The following HIPK3 variants were observed in gnomAD, a reference collection of about 807,000 sequenced individuals.
HIPK3 encodes homeodomain interacting protein kinase 3.
A neutral mutation model predicts 124.2 loss-of-function variants in HIPK3; 47 were observed. The ratio of observed to expected loss-of-function variants is 0.38; its 90% CI spans 0.30 to 0.48. HIPK3 has a LOEUF of 0.48. Among genes scored for constraint, HIPK3 ranks in the 20% least tolerant of loss-of-function variants. HIPK3 has a pLI of 0.98. For missense variants in HIPK3, 1,286 were observed against 1,454.3 expected (o/e 0.88, Z 1.88); for synonymous variants, 482 against 515.2 (o/e 0.94, Z 0.87).
rs1269445613 is a variant in HIPK3, at chr11:33,356,459, A to G, written c.*2891A>G. The G allele has an allele frequency of 6.6e-6, 1 of 151,870 alleles. No homozygotes were observed. Among genetic ancestry groups the G allele is most frequent in the Non-Finnish European group, 1.5e-5 (1 of 67,876 alleles). The allele number at this position is 151,870 out of a possible 1,614,324, so 9.4% of individuals were successfully genotyped here. ...TTTCCAAGTTGCATATTTGCATACT[A>G]TTTTAATTTGCAAAATGTTTTTTAA... On this transcript the variant is annotated 3_prime_UTR_variant, in exon 17 of 17. Transcript: ENST00000303296.
chr11:33,308,212 C>T (rs1454275503), intron 2 of HIPK3, among the ~76,000 whole-genome samples: 1 of 152,184 alleles, frequency 6.6e-6, no homozygotes, highest in Non-Finnish European at 1.5e-5. Flanking sequence ...ATTCATGAAT[C>T]AGATGACCTC....
chr11:33,353,410 G>A lies in HIPK3; in HGVS notation c.3490G>A (p.Val1164Ile). The change falls in exon 17 of 17, where the codon GTC (valine) becomes ATC (isoleucine). Residue 1164 changes from valine to isoleucine, a missense_variant. By Grantham distance (29) the Val-to-Ile change is conservative. This residue lies in a region of HIPK3 where 810 missense variants were observed against 864.9 expected (regional missense o/e 0.94). Coordinates refer to ENST00000303296, the MANE Select transcript of HIPK3 (RefSeq NM_005734.5). ...CCATCCCAGTGGCATAGTTCACCAAGTCCCAGTGGGCTTAAATCCCCGTCT... is the reference window on the plus strand; with the variant it reads ...CCATCCCAGTGGCATAGTTCACCAAATCCCAGTGGGCTTAAATCCCCGTCT... Reference protein sequence around the residue: ...ISHPSGIVHQVPVGLNPRLLP... With the variant: ...ISHPSGIVHQIPVGLNPRLLP... 1 of 1,614,018 alleles carries A rather than the reference G, an allele frequency of 6.2e-7. No homozygotes were observed. Among genetic ancestry groups the A allele is most frequent in the South Asian group, 1.1e-5 (1 of 91,084 alleles).
At chr11:33,335,360 T>C (rs935432108) in intron 3 of HIPK3, among the ~76,000 whole-genome samples, 1 of 152,136 alleles carries the variant, frequency 6.6e-6, no homozygotes, top group Non-Finnish European at 1.5e-5. Context: ...AGTTAAAGAC[T>C]GTCAGGAAGT....
chr11:33,258,547 G>C, intron 1 of HIPK3: 2 of 985,508 alleles, frequency 2.0e-6, no homozygotes, highest in South Asian at 9.4e-5. Context: ...AAGGCGTGGC[G>C]GCCGCGCGGC....
At position 33,347,920 on chromosome 11, in the gene HIPK3, C is replaced by T. The variant is rs759828783; in HGVS notation, c.2213C>T (p.Thr738Ile). 13 of 1,614,120 alleles carry T rather than the reference C, an allele frequency of 8.1e-6. No homozygotes were observed. The South Asian group carries it at 1.3e-4, about 16-fold the overall frequency. ...CAGCCTCTTCTGACCAATCAGATAACTTTATCTGCCCCTCAGCCAGTTAGT... is the reference window on the plus strand; with the variant it reads ...CAGCCTCTTCTGACCAATCAGATAATTTTATCTGCCCCTCAGCCAGTTAGT... ...MPQPLLTNQI[T>I]LSAPQPVSVG... The change falls in exon 11 of 17, where the codon ACT becomes ATT. Residue 738 changes from threonine (T) to isoleucine (I), a missense_variant. By Grantham distance (89) the Thr-to-Ile change is moderately conservative. This residue lies in a region of HIPK3 where 810 missense variants were observed against 864.9 expected (regional missense o/e 0.94). Coordinates refer to ENST00000303296, the MANE Select transcript of HIPK3 (RefSeq NM_005734.5).
chr11:33,347,742 T>C lies in HIPK3; in HGVS notation c.2133T>C (p.Leu711=). The C allele has an allele frequency of 6.2e-7, 1 of 1,613,898 alleles. No individual in the cohort carries two copies. The highest frequency in any genetic ancestry group is 8.5e-7 in the Non-Finnish European group (1 of 1,179,780). ...TSESVAGSHR[L]GDWGKMISCS... Reference sequence around the variant, plus strand: ...AGAGTGTGGCTGGTTCACACAGGCTTGGAGACTGGGGGTAAGCTGAAAACA... The same window carrying C: ...AGAGTGTGGCTGGTTCACACAGGCTCGGAGACTGGGGGTAAGCTGAAAACA... The change falls in exon 10 of 17, where the codon CTT becomes CTC. Residue 711 remains leucine, a synonymous_variant. Transcript: ENST00000303296.
In HIPK3 at chr11:33,287,430, G is replaced by C; in HGVS notation, c.1016G>C (p.Arg339Thr). Residue 339 changes from arginine (R) to threonine (T), a missense_variant, in exon 2 of 17, where the codon AGG (arginine) becomes ACG (threonine). Physicochemically the swap from Arg to Thr is moderately conservative, Grantham distance 71 (BLOSUM62 -1). Around this residue, in one of 3 missense-constraint regions of HIPK3, gnomAD observed 251 missense variants for 349.1 expected, o/e 0.72. Coordinates refer to ENST00000303296, the MANE Select transcript of HIPK3 (RefSeq NM_005734.5). ...GTGGATCCTGTTCGGCAGCCTTACA[G>C]GGTTAAAGTAATAGACTTTGGGTCG... is the stretch of plus-strand genomic sequence containing the variant. ...MLVDPVRQPY[R>T]VKVIDFGSAS... 6.2e-7 allele frequency: 1 copy of C among 1,614,112 alleles called. No individual in the cohort carries two copies. The highest frequency in any genetic ancestry group is 8.5e-7 in the Non-Finnish European group (1 of 1,180,030).
intron 14 of HIPK3, among the ~76,000 whole-genome samples, chr11:33,350,629 A>C (rs1002801663): frequency 6.6e-6 from 1 of 152,140 alleles, no homozygotes; most frequent in Non-Finnish European, 1.5e-5. Context: ...AGCTATGATC[A>C]CACCACTGCA....
chr11:33,257,458 C>T lies in HIPK3; in HGVS notation c.-434C>T. On this transcript the variant is annotated 5_prime_UTR_variant, in exon 1 of 17. Transcript: ENST00000303296. ...CAAGCCGCAGGCCCCGCCGTCGCCA[C>T]CACTCCCGCCAGTCTTCCTTCTCCG... 2.0e-6 allele frequency: 2 copies of T among 985,724 alleles called. No homozygotes were observed. The highest frequency in any genetic ancestry group is 2.4e-6 in the Non-Finnish European group (2 of 830,216). 61.1% of individuals were successfully genotyped at this position (985,724 alleles called of 1,614,324 possible).
Position 33,337,147 on chromosome 11 carries a change from T to C in HIPK3, c.1294T>C (p.Phe432Leu). 1 of 1,577,296 alleles carries C rather than the reference T, an allele frequency of 6.3e-7. No homozygotes were observed. The highest frequency in any genetic ancestry group is 8.7e-7 in the Non-Finnish European group (1 of 1,148,136). Residue 432 changes from phenylalanine (F) to leucine (L), a missense_variant, in exon 4 of 17, where the codon TTT (phenylalanine) becomes CTT (leucine). Physicochemically the swap from Phe to Leu is conservative, Grantham distance 22 (BLOSUM62 0). This residue lies in a region of HIPK3 where 251 missense variants were observed against 349.1 expected (regional missense o/e 0.72). Coordinates refer to ENST00000303296, the MANE Select transcript of HIPK3 (RefSeq NM_005734.5). ...LLNVGTKSTR[F>L]FCKETDMSHS... ...AAATGTGGGTACTAAATCCACAAGA[T>C]TTTTTTGCAAAGAAACAGATATGTC...
intron 2 of HIPK3, among the ~76,000 whole-genome samples, chr11:33,327,717 G>C (rs1186377862): frequency 1.3e-5 from 2 of 152,184 alleles, no homozygotes; most frequent in Non-Finnish European, 2.9e-5. Flanking sequence ...CTGTAAGATT[G>C]AGATTGTTTT....
chr11:33,347,894 G>T lies in HIPK3; in HGVS notation c.2187G>T (p.Pro729=). ...GCAATCATTATAACTCAGTGATGCCGCAGCCTCTTCTGACCAATCAGATAA... is the reference window on the plus strand; with the variant it reads ...GCAATCATTATAACTCAGTGATGCCTCAGCCTCTTCTGACCAATCAGATAA... ...SCSNHYNSVM[P]QPLLTNQITL... Residue 729 remains proline (P), a synonymous_variant, in exon 11 of 17, where the codon CCG becomes CCT. Transcript: ENST00000303296. 1 of 1,614,104 alleles carries T rather than the reference G, an allele frequency of 6.2e-7. No homozygotes were observed. Among genetic ancestry groups the T allele is most frequent in the Non-Finnish European group, 8.5e-7 (1 of 1,179,982 alleles).
intron 1 of HIPK3, among the ~76,000 whole-genome samples, chr11:33,277,325 A>T (rs971755304): frequency 6.6e-6 from 1 of 152,088 alleles, no homozygotes; most frequent in Non-Finnish European, 1.5e-5. Context: ...TTTTTGTTCT[A>T]TATTTTGAGA....
intron 2 of HIPK3, among the ~76,000 whole-genome samples, chr11:33,307,918 T>C (rs11032224): frequency 2.7e-4 from 41 of 152,308 alleles, no homozygotes; most frequent in Admixed American, 1.1e-3. Flanking sequence ...AATTTTAATA[T>C]AGTTTAATAT....
chr11:33,264,595 G>C (rs1252304505), intron 1 of HIPK3, among the ~76,000 whole-genome samples: 1 of 152,120 alleles, frequency 6.6e-6, no homozygotes, highest in Non-Finnish European at 1.5e-5. Context: ...CAAGAAAATT[G>C]TCTTAAGGAT....
At chr11:33,332,864 A>G (rs1467603613) in intron 3 of HIPK3, among the ~76,000 whole-genome samples, 2 of 152,140 alleles carry the variant, frequency 1.3e-5, no homozygotes, top group Non-Finnish European at 2.9e-5. Context: ...AGGCTGTACA[A>G]GCAGGGCTCC....
intron 1 of HIPK3, among the ~76,000 whole-genome samples, chr11:33,261,833 C>A (rs1180188143): frequency 6.6e-6 from 1 of 152,202 alleles, no homozygotes; most frequent in Non-Finnish European, 1.5e-5. Flanking sequence ...TACATTCCCA[C>A]CAACAGTGTA....
rs75964250 is a variant in HIPK3 at position 33,296,040 on chromosome 11, A to G, written c.1097+8529A>G. Among the ~76,000 whole-genome samples, 934 of 152,284 alleles carry G rather than the reference A, an allele frequency of 6.1e-3. 15 individuals carry two copies. The highest frequency in any genetic ancestry group is 0.021 in the African/African-American group (874 of 41,542). On this transcript the variant is annotated intron_variant, in intron 2 of 16. Coordinates refer to ENST00000303296, the MANE Select transcript of HIPK3 (RefSeq NM_005734.5). ...GGTTTTCTAATTCTGTAGTTCCTCT[A>G]TTAGGAATTCTTCCACAAGAAGAGC...
At chr11:33,300,797 T>G (rs1565073080) in intron 2 of HIPK3, among the ~76,000 whole-genome samples, 1 of 152,154 alleles carries the variant, frequency 6.6e-6, no homozygotes. Context: ...TACAGTGACA[T>G]GATCTTGGCT....
Sources: allele counts gnomAD v4.1 joint callset (sites outside exome capture counted in the v4.1 genomes callset), GRCh38; gene constraint gnomAD v4.1.1; regional missense constraint gnomAD v4.1.1; transcripts MANE v1.5; gene names NCBI Gene and HGNC (gene_info 2026-07-23, HGNC 2026-07-21).